Variants in ZNF765 observed in about 807,000 individuals in gnomAD.
ZNF765 encodes the protein zinc finger protein 765.
In ZNF765, 37 loss-of-function variants were observed where a neutral mutation model predicts 44.7. The observed-to-expected ratio is 0.83, with a 90% CI of 0.64 to 1.09. The LOEUF is 1.09. Ranked by LOEUF, ZNF765 falls within the 50% of genes least tolerant of loss-of-function variation. The pLI, the probability that ZNF765 is intolerant of heterozygous loss-of-function variation, is 0.00. For synonymous variants in ZNF765, 201 were observed against 213.7 expected, an observed-to-expected ratio of 0.94 and a Z score of 0.52; for missense variants, 594 against 626.1, an observed-to-expected ratio of 0.95 and a Z score of 0.55.
At chr19:53,405,926 TATATATATATATATATATATATATAA>T in intron 3 of ZNF765, among the ~76,000 whole-genome samples, 1 of 75,174 alleles carries the variant, frequency 1.3e-5, no homozygotes, top group African/African-American at 5.5e-5. Flanking sequence ...TATATATATA[TATATATATATATATATATATATATAA>T]AATTGCTGTA....
chr19:53,425,282 A>T (rs538886872), exon 4 of ZNF765: 1 of 150,160 alleles, frequency 6.7e-6, no homozygotes, highest in African/African-American at 2.5e-5. Flanking sequence ...GAATCAGCTT[A>T]GAAGTTTTTG....
intron 1 of ZNF765, among the ~76,000 whole-genome samples, chr19:53,396,663 A>G (rs2617639): frequency 0.068 from 10,363 of 152,158 alleles, 701 homozygotes; most frequent in East Asian, 0.2. Flanking sequence ...AAAAAGCGTT[A>G]TCTTATAACT....
chr19:53,417,469 T>A (rs1335674160), intron 3 of ZNF765, among the ~76,000 whole-genome samples: 1 of 152,230 alleles, frequency 6.6e-6, no homozygotes. Flanking sequence ...TCGTTCTTTT[T>A]TATGGCTGCA....
rs35520888 is a variant in ZNF765 at position 53,400,763 on chromosome 19, C to CATATATATATATATATATATATAT, written c.16-1281_16-1280insTATATATATATATATATATATATA. On this transcript the variant is annotated intron_variant, in intron 2 of 3. Coordinates refer to ENST00000396408, the MANE Select transcript of ZNF765 (RefSeq NM_001040185.3). ...CTGTGTAGGTTTCATTATTTGTTGA[C>CATATATATATATATATATATATAT]ATATATATATATATATATATACACA... is the stretch of plus-strand genomic sequence containing the variant. Among the ~76,000 whole-genome samples, 809 of 115,520 alleles carry CATATATATATATATATATATATAT rather than the reference C, an allele frequency of 7.0e-3. 22 individuals carry two copies. The highest frequency in any genetic ancestry group is 0.016 in the Middle Eastern group (3 of 192). 75.8% of individuals were successfully genotyped at this position (115,520 alleles called of 152,430 possible).
chr19:53,415,409 C>CAT (rs1286900134), downstream of ZNF765, among the ~76,000 whole-genome samples: 1 of 151,926 alleles, frequency 6.6e-6, no homozygotes, highest in African/African-American at 2.4e-5. Flanking sequence ...TGTGTATATA[C>CAT]ATATATATGT....
chr19:53,424,809 A>G (rs1336734999), exon 4 of ZNF765: 1 of 152,080 alleles, frequency 6.6e-6, no homozygotes, highest in Non-Finnish European at 1.5e-5. Flanking sequence ...GATTACAGGC[A>G]TGCGCCACCA....
chr19:53,401,774 G>A (rs2085728401), intron 2 of ZNF765, among the ~76,000 whole-genome samples: 1 of 151,914 alleles, frequency 6.6e-6, no homozygotes, highest in Non-Finnish European at 1.5e-5. Context: ...TATTCAGGAG[G>A]CTAAGGCAGG....
downstream of ZNF765, among the ~76,000 whole-genome samples, chr19:53,414,893 G>A (rs1287695291): frequency 6.6e-6 from 1 of 152,084 alleles, no homozygotes; most frequent in Non-Finnish European, 1.5e-5. Context: ...AGGGAGTGCT[G>A]CAATGACATG....
At chr19:53,395,399 T>C (rs1361465501) in intron 1 of ZNF765, among the ~76,000 whole-genome samples, 1 of 152,224 alleles carries the variant, frequency 6.6e-6, no homozygotes, top group Non-Finnish European at 1.5e-5. Context: ...CGGGTGTTTC[T>C]GCTATAGGGC....
intron 3 of ZNF765, among the ~76,000 whole-genome samples, chr19:53,405,138 G>C (rs532575567): frequency 6.6e-6 from 1 of 152,142 alleles, no homozygotes; most frequent in Non-Finnish European, 1.5e-5. Flanking sequence ...GATCACCTGA[G>C]GTCAGGAGTT....
At chr19:53,416,077 C>G (rs1219908446), downstream of ZNF765, among the ~76,000 whole-genome samples, 3 of 152,084 alleles carry the variant, frequency 2.0e-5, no homozygotes, top group Admixed American at 2.0e-4. Flanking sequence ...GCCTCAGCCC[C>G]CCGAGTAGCT....
Position 53,409,539 on chromosome 19 carries a change from A to G in ZNF765, c.*412A>G, listed in dbSNP as rs1295022425. ...TTCGTACTGGAGAGAAACCTTACAA[A>G]TGTGAAGAATTTGAGTTTTCCATTT... On this transcript the variant is annotated 3_prime_UTR_variant, in exon 4 of 4. Coordinates refer to ENST00000396408, the MANE Select transcript of ZNF765 (RefSeq NM_001040185.3). 11 of 1,084,144 alleles carry G rather than the reference A, an allele frequency of 1.0e-5. No individual in the cohort carries two copies. The highest frequency in any genetic ancestry group is 2.1e-5 in the Admixed American group (1 of 46,790). 67.2% of individuals were successfully genotyped at this position (1,084,144 alleles called of 1,614,324 possible).
At chr19:53,423,270 A>G (rs542242004) in exon 4 of ZNF765, 5 of 675,772 alleles carry the variant, frequency 7.4e-6, no homozygotes, top group South Asian at 6.0e-5. Flanking sequence ...AAATACCACG[A>G]AGACAAAAGA....
At position 53,410,655 on chromosome 19, in the gene ZNF765, TAATG is replaced by T. The variant is rs2085825054; in HGVS notation, c.*1531_*1534del. Reference sequence around the variant, plus strand: ...CCATTGCGAATCATTGGAGAATCCATAATGAAGAGAGATCATACTAGTTTAATAA... The same window carrying T: ...CCATTGCGAATCATTGGAGAATCCATAAGAGAGATCATACTAGTTTAATAA... On this transcript the variant is annotated 3_prime_UTR_variant, in exon 4 of 4. Transcript: ENST00000396408. 2.1e-6 allele frequency: 1 copy of T among 482,208 alleles called. No individual in the cohort carries two copies. Among genetic ancestry groups the T allele is most frequent in the African/African-American group, 2.0e-5 (1 of 50,244 alleles). The allele number at this position is 482,208 out of a possible 1,614,324, so 29.9% of individuals were successfully genotyped here.
intron 3 of ZNF765, among the ~76,000 whole-genome samples, chr19:53,418,302 G>A (rs1353126600): frequency 1.3e-5 from 2 of 152,094 alleles, no homozygotes; most frequent in Admixed American, 6.5e-5. Context: ...TCGGGCCACT[G>A]CATTCCAGCC....
In ZNF765 at chr19:53,395,178, T is replaced by G. The variant is rs1190004536; in HGVS notation, c.-89T>G. ...CCGGAAGCGGACGGCGTGGAGTGAC[T>G]ATCCCACCGCCGCGGGTGAGTTTCG... On this transcript the variant is annotated 5_prime_UTR_variant, in exon 1 of 4. Transcript: ENST00000396408. 8 of 152,440 alleles carry G rather than the reference T, an allele frequency of 5.2e-5. No individual in the cohort carries two copies. The highest frequency in any genetic ancestry group is 3.1e-3 in the Middle Eastern group (1 of 324). 9.4% of individuals were successfully genotyped at this position (152,440 alleles called of 1,614,324 possible).
At chr19:53,418,619 G>A (rs903615760) in intron 3 of ZNF765, among the ~76,000 whole-genome samples, 4 of 152,088 alleles carry the variant, frequency 2.6e-5, no homozygotes, top group African/African-American at 4.8e-5. Flanking sequence ...AGATATGGCC[G>A]GGCATCGGGG....
rs184649646 is a variant in ZNF765, at chr19:53,411,699, C to T, written c.*2572C>T. ...CAAACCATAAGTATGGGTTGTAGCT[C>T]TATGTTTCTAATCATTTTGATCAAT... On this transcript the variant is annotated 3_prime_UTR_variant, in exon 4 of 4. Coordinates refer to ENST00000396408, the MANE Select transcript of ZNF765 (RefSeq NM_001040185.3). 1 of 152,348 alleles carries T rather than the reference C, an allele frequency of 6.6e-6. No homozygotes were observed. Among genetic ancestry groups the T allele is most frequent in the African/African-American group, 2.4e-5 (1 of 41,542 alleles). 9.4% of individuals were successfully genotyped at this position (152,348 alleles called of 1,614,324 possible).
chr19:53,413,297 G>C (rs2085847369), downstream of ZNF765: 2 of 586,188 alleles, frequency 3.4e-6, no homozygotes, highest in African/African-American at 3.7e-5. Context: ...ATAAAATCAG[G>C]TACAACTTTA....
Sources: gnomAD v4.1 joint callset for allele counts (sites outside exome capture counted in the v4.1 genomes callset) on GRCh38, gnomAD v4.1.1 for gene constraint, MANE v1.5 for transcripts, NCBI Gene and HGNC (gene_info 2026-07-23, HGNC 2026-07-21) for gene names.